The following NCOA7 variants were observed in gnomAD, a reference collection of about 807,000 sequenced individuals.
NCOA7 encodes 140 kDa estrogen receptor-associated protein.
A neutral mutation model predicts 104.3 loss-of-function variants in NCOA7; 45 were observed. The observed-to-expected ratio is 0.43, with a 90% CI of 0.34 to 0.55. NCOA7 has a LOEUF of 0.55. NCOA7 is among the 20% of genes least tolerant of loss of function. The pLI, the probability that NCOA7 is intolerant of heterozygous loss-of-function variation, is 0.02. For missense variants in NCOA7, 1,041 were observed against 1,119.7 expected, an observed-to-expected ratio of 0.93 and a Z score of 1.00; for synonymous variants, 398 against 402.3, an observed-to-expected ratio of 0.99 and a Z score of 0.13.
intron 2 of NCOA7, among the ~76,000 whole-genome samples, chr6:125,829,328 G>A (rs1778941395): frequency 6.6e-6 from 1 of 152,108 alleles, no homozygotes. Context: ...CACCTTGGTG[G>A]TATTAAGTTT....
At chr6:125,879,424 C>G (rs183556476) in intron 5 of NCOA7, among the ~76,000 whole-genome samples, 69 of 152,310 alleles carry the variant, frequency 4.5e-4, no homozygotes, top group Admixed American at 1.8e-3. Flanking sequence ...TATGGAAACT[C>G]AGAGTCACTT....
intron 2 of NCOA7, among the ~76,000 whole-genome samples, chr6:125,842,635 T>C (rs2128606043): frequency 6.6e-6 from 1 of 152,298 alleles, no homozygotes; most frequent in East Asian, 1.9e-4. Context: ...CAGCTTTGTG[T>C]AAGGGATTAT....
At position 125,928,780 on chromosome 6, in the gene NCOA7, C is replaced by G; in HGVS notation, c.*9C>G. 6.2e-7 allele frequency: 1 copy of G among 1,609,058 alleles called. No individual in the cohort carries two copies. The highest frequency in any genetic ancestry group is 8.5e-7 in the Non-Finnish European group (1 of 1,178,538). On this transcript the variant is annotated 3_prime_UTR_variant, in exon 16 of 16. Transcript: ENST00000392477. ...TGTGGGCATTTGATTGAAATTCAGA[C>G]TGCCTTAAAATATAACATTAAAAAG...
intron 1 of NCOA7, among the ~76,000 whole-genome samples, chr6:125,795,983 T>G (rs1775286599): frequency 1.3e-5 from 2 of 152,244 alleles, no homozygotes; most frequent in South Asian, 4.1e-4. Context: ...TTTCTGCACG[T>G]GGATAGAGTA....
At chr6:125,806,135 G>A (rs1046011686) in intron 1 of NCOA7, among the ~76,000 whole-genome samples, 9 of 152,164 alleles carry the variant, frequency 5.9e-5, no homozygotes, top group African/African-American at 1.9e-4. Context: ...GAAGTCAGTA[G>A]TTCAAGACCA....
intron 1 of NCOA7, among the ~76,000 whole-genome samples, chr6:125,797,464 T>C (rs751866109): frequency 3.3e-5 from 5 of 152,230 alleles, no homozygotes; most frequent in Non-Finnish European, 7.3e-5. Flanking sequence ...GTTATTCTTA[T>C]CACTAACCAG....
chr6:125,846,108 A>G (rs1780583355), intron 2 of NCOA7, among the ~76,000 whole-genome samples: 1 of 152,154 alleles, frequency 6.6e-6, no homozygotes, highest in South Asian at 2.1e-4. Flanking sequence ...TGGAGCTATT[A>G]GCCCCAAATT....
chr6:125,902,974 A>G (rs182759446), intron 10 of NCOA7, among the ~76,000 whole-genome samples: 60 of 152,276 alleles, frequency 3.9e-4, no homozygotes, highest in African/African-American at 1.4e-3. Flanking sequence ...TGCTGCTGCT[A>G]TTACCTCTCC....
Position 125,885,150 on chromosome 6 carries a change from C to T in NCOA7, c.700-9C>T. ...TGAAGTGATTCTGTCCTGTTGCTTTCTCCTGCAGGGTGTGGTTGGCGGTGT... is the reference window on the plus strand; with the variant it reads ...TGAAGTGATTCTGTCCTGTTGCTTTTTCCTGCAGGGTGTGGTTGGCGGTGT... On this transcript the variant is annotated splice_polypyrimidine_tract_variant and intron_variant, in intron 7 of 15. Transcript: ENST00000392477. 1 of 1,613,488 alleles carries T rather than the reference C, an allele frequency of 6.2e-7. No homozygotes were observed. The highest frequency in any genetic ancestry group is 8.5e-7 in the Non-Finnish European group (1 of 1,179,590).
At chr6:125,920,589 G>C (rs1410894500) in intron 11 of NCOA7, among the ~76,000 whole-genome samples, 4 of 152,054 alleles carry the variant, frequency 2.6e-5, no homozygotes, top group Non-Finnish European at 5.9e-5. Context: ...TTTCTATATG[G>C]AGATAGGGGT....
intron 10 of NCOA7, among the ~76,000 whole-genome samples, chr6:125,893,834 TTTC>T (rs1358400467): frequency 6.6e-5 from 10 of 152,174 alleles, no homozygotes. Context: ...AAGCCAGCAG[TTTC>T]TTCTTGCACA....
intron 2 of NCOA7, among the ~76,000 whole-genome samples, chr6:125,826,692 C>T (rs1267728804): frequency 6.6e-6 from 1 of 152,206 alleles, no homozygotes; most frequent in Non-Finnish European, 1.5e-5. Context: ...AAATATGGTC[C>T]TTGCCCTTAT....
intron 1 of NCOA7, among the ~76,000 whole-genome samples, chr6:125,814,117 A>C (rs938589220): frequency 1.3e-5 from 2 of 152,144 alleles, no homozygotes; most frequent in Admixed American, 6.5e-5. Context: ...ATTAGTAAAT[A>C]ATTTTGATTG....
intron 8 of NCOA7, among the ~76,000 whole-genome samples, chr6:125,886,276 A>G (rs1297294839): frequency 6.6e-6 from 1 of 151,994 alleles, no homozygotes; most frequent in Non-Finnish European, 1.5e-5. Context: ...CCCTTCCCCA[A>G]CCTCAAGCCA....
At chr6:125,790,216 T>A (rs117652321), upstream of NCOA7, among the ~76,000 whole-genome samples, 1 of 152,292 alleles carries the variant, frequency 6.6e-6, no homozygotes, top group East Asian at 1.9e-4. Context: ...CAGGATGAAT[T>A]TATTGTGGCC....
At chr6:125,842,213 G>T (rs1045675048) in intron 2 of NCOA7, among the ~76,000 whole-genome samples, 2 of 152,140 alleles carry the variant, frequency 1.3e-5, no homozygotes, top group African/African-American at 2.4e-5. Context: ...TCAGGATTCT[G>T]TATTTTAGCC....
intron 10 of NCOA7, chr6:125,913,717 A>G (rs776017293): frequency 9.9e-6 from 9 of 908,222 alleles, no homozygotes; most frequent in Non-Finnish European, 1.2e-5. Flanking sequence ...GTGGGGGAAA[A>G]GACATGATTA....
chr6:125,817,820 C>T (rs1199451072), intron 2 of NCOA7, among the ~76,000 whole-genome samples: 1 of 152,126 alleles, frequency 6.6e-6, no homozygotes, highest in East Asian at 1.9e-4. Context: ...GATCTCTTTG[C>T]CTAGCTGTAT....
intron 2 of NCOA7, among the ~76,000 whole-genome samples, chr6:125,842,030 TAA>T (rs71767406): frequency 0.036 from 5,480 of 152,264 alleles, 320 homozygotes; most frequent in African/African-American, 0.12. Context: ...CAGATTAATA[TAA>T]GAGTTTATTT....
Sources: gnomAD v4.1 joint callset for allele counts (sites outside exome capture counted in the v4.1 genomes callset) on GRCh38, gnomAD v4.1.1 for gene constraint, MANE v1.5 for transcripts, NCBI Gene and HGNC (gene_info 2026-07-23, HGNC 2026-07-21) for gene names.